The following DNM1 variants were observed in gnomAD, a reference collection of about 807,000 sequenced individuals.
The protein encoded by DNM1 is dynamin-1.
DNM1 carries 29 observed loss-of-function variants against 104.6 expected under a neutral mutation model. The observed-to-expected ratio is 0.28, with a 90% CI of 0.21 to 0.38. DNM1 has a LOEUF of 0.38. Ranked by LOEUF, DNM1 falls within the 10% of genes least tolerant of loss-of-function variation. The pLI is 1.00. For synonymous variants in DNM1, 445 were observed against 475.8 expected, an observed-to-expected ratio of 0.94 and a Z score of 0.84; for missense variants, 640 against 1,189.4, an observed-to-expected ratio of 0.54 and a Z score of 6.79.
At position 128,222,936 on chromosome 9, in the gene DNM1, A is replaced by C. The variant is rs577034235; in HGVS notation, c.1196+76A>C. 8.3e-5 allele frequency: 116 copies of C among 1,394,988 alleles called. 1 individual carries two copies. The highest frequency in any genetic ancestry group is 1.6e-5 in the Non-Finnish European group (16 of 986,518). 86.4% of individuals were successfully genotyped at this position (1,394,988 alleles called of 1,614,324 possible). On this transcript the variant is annotated intron_variant, in intron 9 of 21. Coordinates refer to ENST00000372923, the MANE Select transcript of DNM1 (RefSeq NM_004408.4). The surrounding 1 kb of genome is among the most constrained non-coding windows in gnomAD (Gnocchi z 7.8). ...GGGACAGAGGCACAGGGAGTGATGA[A>C]GTGGGCCTCCCTCAGGAAGGACTGA...
Position 128,245,701 on chromosome 9 carries a change from C to T in DNM1, c.1672-693C>T, listed in dbSNP as rs886436184. ...GCATGGCTCTGCAAACATGTAGGCT[C>T]GCACAATTGCCACACACATCCACAA... is the stretch of plus-strand genomic sequence containing the variant. On this transcript the variant is annotated intron_variant, in intron 15 of 21. Transcript: ENST00000372923. This position sits in a 1 kb window ranked among gnomAD's most constrained non-coding sequence, Gnocchi z 5.2. 2.0e-5 allele frequency among the ~76,000 whole-genome samples: 3 copies of T among 152,216 alleles called. No homozygotes were observed. Among genetic ancestry groups the T allele is most frequent in the African/African-American group, 7.2e-5 (3 of 41,444 alleles).
chr9:128,238,986 C>T (rs748561028), intron 11 of DNM1, among the ~76,000 whole-genome samples: 7 of 149,974 alleles, frequency 4.7e-5, no homozygotes, highest in Middle Eastern at 3.3e-3. Flanking sequence ...CTTTCATCCT[C>T]TCCTCTCCTC....
At chr9:128,231,883 C>T in intron 10 of DNM1, 1 of 382,916 alleles carries the variant, frequency 2.6e-6, no homozygotes. Flanking sequence ...GAACCCAGGG[C>T]TGAATGGCTC....
At chr9:128,242,102 C>T (rs1322584097) in intron 14 of DNM1, 130 bp from the exon 15 acceptor site, 1 of 678,576 alleles carries the variant, frequency 1.5e-6, no homozygotes, top group South Asian at 1.5e-5. Context: ...CTGGCCCCCA[C>T]CCTCCCTGAC....
chr9:128,251,062 T>A (rs917186428), intron 21 of DNM1, 122 bp downstream of exon 21: 41 of 728,436 alleles, frequency 5.6e-5, no homozygotes, highest in Non-Finnish European at 9.1e-5. Context: ...TCCCAGGCAA[T>A]CGGACTCTGG....
intron 1 of DNM1, among the ~76,000 whole-genome samples, chr9:128,210,348 C>CTTTATTATTATTATT (rs142834021): frequency 7.1e-6 from 1 of 141,610 alleles, no homozygotes; most frequent in Non-Finnish European, 1.5e-5. Flanking sequence ...ATTTATTTGG[C>CTTTATTATTATTATT]ATTATTATTA....
rs763636625 is a variant in DNM1, at chr9:128,218,240, G to A, written c.171G>A (p.Leu57=). The A allele has an allele frequency of 6.2e-7, 1 of 1,614,008 alleles. No individual in the cohort carries two copies. The highest frequency in any genetic ancestry group is 1.1e-5 in the South Asian group (1 of 91,074). ...VLENFVGRDF[L]PRGSGIVTRR... The stretch of plus-strand genomic sequence containing the variant: ...CTCCAACTCATTGCAGGGACTTCTT[G>A]CCTCGAGGATCTGGCATTGTCACCC... The change falls in exon 2 of 22, where the codon TTG becomes TTA. Residue 57 remains leucine (L), a synonymous_variant. Transcript: ENST00000372923. The surrounding 1 kb of genome is among the most constrained non-coding windows in gnomAD (Gnocchi z 4.8).
In DNM1 at chr9:128,224,148, C is replaced by T; in HGVS notation, c.1197-103C>T. On this transcript the variant is annotated intron_variant, in intron 9 of 21. Coordinates refer to ENST00000372923, the MANE Select transcript of DNM1 (RefSeq NM_004408.4). The surrounding 1 kb of genome is among the most constrained non-coding windows in gnomAD (Gnocchi z 4.3). ...GGCCCAGAGAGGGGTAGTGGAAGGG[C>T]CCCTCAGGCAGAGTTCGTGGGCTTG... 6.9e-7 allele frequency: 1 copy of T among 1,444,430 alleles called. No homozygotes were observed. 89.5% of individuals were successfully genotyped at this position (1,444,430 alleles called of 1,614,324 possible).
At chr9:128,244,514 C>T (rs1473671962) in intron 15 of DNM1, among the ~76,000 whole-genome samples, 1 of 151,870 alleles carries the variant, frequency 6.6e-6, no homozygotes, top group African/African-American at 2.4e-5. Context: ...TGCCCACATC[C>T]CCAGTCCCCA....
At position 128,220,227 on chromosome 9, in the gene DNM1, G is replaced by A; in HGVS notation, c.735G>A (p.Lys245=). The A allele has an allele frequency of 6.2e-7, 1 of 1,614,204 alleles. No homozygotes were observed. The highest frequency in any genetic ancestry group is 8.5e-7 in the Non-Finnish European group (1 of 1,180,042). ...VNRSQKDIDG[K]KDITAALAAE... ...GGAGCCAGAAGGACATTGATGGCAA[G>A]AAGGACATTACCGCCGCCTTGGCTG... Residue 245 remains lysine (K), a synonymous_variant, in exon 6 of 22, where the codon AAG becomes AAA. Transcript: ENST00000372923. The surrounding 1 kb of genome is among the most constrained non-coding windows in gnomAD (Gnocchi z 5.2).
At chr9:128,250,525 G>A (rs1019795542) in intron 20 of DNM1, among the ~76,000 whole-genome samples, 169 bp downstream of exon 20, 3 of 152,294 alleles carry the variant, frequency 2.0e-5, no homozygotes, top group African/African-American at 4.8e-5. Flanking sequence ...TTGCCGTGGA[G>A]AGCTGGCTGC....
At position 128,220,111 on chromosome 9, in the gene DNM1, A is replaced by G; in HGVS notation, c.688+25A>G. The G allele has an allele frequency of 6.2e-7, 1 of 1,611,662 alleles. No individual in the cohort carries two copies. The highest frequency in any genetic ancestry group is 8.5e-7 in the Non-Finnish European group (1 of 1,178,494). ...GGTAAGCAGGCCATGCCCCTCAACC[A>G]CTCCCCAGCCCTTCCCCACCCTTCC... On this transcript the variant is annotated intron_variant, in intron 5 of 21. Coordinates refer to ENST00000372923, the MANE Select transcript of DNM1 (RefSeq NM_004408.4). This position sits in a 1 kb window ranked among gnomAD's most constrained non-coding sequence, Gnocchi z 5.2.
rs1490431432 is a variant in DNM1, at chr9:128,253,809, C to T, written c.2535-845C>T. Reference sequence around the variant, plus strand: ...GGTACCGTCATAGCTGCTAGTGTGACTGAAGGCAGTGTCCCTGGCCCCAGC... The same window carrying T: ...GGTACCGTCATAGCTGCTAGTGTGATTGAAGGCAGTGTCCCTGGCCCCAGC... On this transcript the variant is annotated intron_variant, in intron 21 of 21. Transcript: ENST00000372923. The surrounding 1 kb of genome is among the most constrained non-coding windows in gnomAD (Gnocchi z 5.9). The T allele has an allele frequency of 1.5e-6, 1 of 664,926 alleles. No homozygotes were observed. Among genetic ancestry groups the T allele is most frequent in the East Asian group, 3.5e-5 (1 of 28,428 alleles). The allele number at this position is 664,926 out of a possible 1,614,324, so 41.2% of individuals were successfully genotyped here. A position where few individuals can be genotyped will look rare whatever the true frequency, so the allele number is the denominator to read the frequency against.
rs757058430 is a variant in DNM1 at position 128,250,193 on chromosome 9, G to T, written c.2155G>T (p.Ala719Ser). ...CCAGAACACGCTGATGGAGGAGTCGGCGGAGCAGGCACAGCGGCGCGACGA... is the reference window on the plus strand; with the variant it reads ...CCAGAACACGCTGATGGAGGAGTCGTCGGAGCAGGCACAGCGGCGCGACGA... ...GDQNTLMEES[A>S]EQAQRRDEML... The change falls in exon 20 of 22, where the codon GCG (alanine) becomes TCG (serine). Residue 719 changes from alanine (A) to serine (S), a missense_variant. Around this residue, in one of 7 missense-constraint regions of DNM1, gnomAD observed 129 missense variants for 224.6 expected, o/e 0.57. Coordinates refer to ENST00000372923, the MANE Select transcript of DNM1 (RefSeq NM_004408.4). The T allele has an allele frequency of 2.5e-6, 4 of 1,614,172 alleles. No individual in the cohort carries two copies. Among genetic ancestry groups the T allele is most frequent in the Non-Finnish European group, 2.5e-6 (3 of 1,180,030 alleles).
Position 128,203,750 on chromosome 9 carries a change from C to T in DNM1, c.161+119C>T, listed in dbSNP as rs1313897093. ...CCCGACGCTGCACCCGCGGCCGGCG[C>T]GCCCCCCACCCCCAGCCGGAGCGAG... On this transcript the variant is annotated intron_variant, in intron 1 of 21. Coordinates refer to ENST00000372923, the MANE Select transcript of DNM1 (RefSeq NM_004408.4). The surrounding 1 kb of genome is among the most constrained non-coding windows in gnomAD (Gnocchi z 5.3). 2.1e-6 allele frequency: 2 copies of T among 949,702 alleles called. No homozygotes were observed. The highest frequency in any genetic ancestry group is 2.7e-6 in the Non-Finnish European group (2 of 733,464). 58.8% of individuals were successfully genotyped at this position (949,702 alleles called of 1,614,324 possible). A position where few individuals can be genotyped will look rare whatever the true frequency, so the allele number is the denominator to read the frequency against.
chr9:128,224,124 G>A lies in DNM1; in HGVS notation c.1197-127G>A. ...CCATTTTACAACTGGGGACACTGAG[G>A]CCCAGAGAGGGGTAGTGGAAGGGCC... On this transcript the variant is annotated intron_variant, in intron 9 of 21. Transcript: ENST00000372923. This position sits in a 1 kb window ranked among gnomAD's most constrained non-coding sequence, Gnocchi z 4.3. The A allele has an allele frequency of 3.3e-6, 4 of 1,223,160 alleles. No homozygotes were observed. The highest frequency in any genetic ancestry group is 2.8e-4 in the Middle Eastern group (1 of 3,528). The allele number at this position is 1,223,160 out of a possible 1,614,324, so 75.8% of individuals were successfully genotyped here. A position where few individuals can be genotyped will look rare whatever the true frequency, so the allele number is the denominator to read the frequency against.
At position 128,253,219 on chromosome 9, in the gene DNM1, AC is replaced by A. The variant is rs1829641075; in HGVS notation, c.2535-1433del. On this transcript the variant is annotated intron_variant, in intron 21 of 21. Coordinates refer to ENST00000372923, the MANE Select transcript of DNM1 (RefSeq NM_004408.4). The surrounding 1 kb of genome is among the most constrained non-coding windows in gnomAD (Gnocchi z 5.9). ...GCTCCACACGGGGCGCGCACCTGGG[AC>A]CTCAGAGCCAGGCTCCCCGCCCCTC... is the stretch of plus-strand genomic sequence containing the variant. 1 of 1,366,970 alleles carries A rather than the reference AC, an allele frequency of 7.3e-7. No homozygotes were observed. Among genetic ancestry groups the A allele is most frequent in the Non-Finnish European group, 1.0e-6 (1 of 977,806 alleles). 84.7% of individuals were successfully genotyped at this position (1,366,970 alleles called of 1,614,324 possible).
intron 19 of DNM1, among the ~76,000 whole-genome samples, chr9:128,249,093 T>C (rs1035372396): frequency 6.6e-6 from 1 of 150,894 alleles, no homozygotes; most frequent in African/African-American, 2.4e-5. Flanking sequence ...CTCGGGAGGC[T>C]GAGGCAGGAG....
At chr9:128,219,320 G>A in intron 4 of DNM1, 68 bp downstream of exon 4, 1 of 1,393,502 alleles carries the variant, frequency 7.2e-7, no homozygotes, top group South Asian at 1.2e-5. Flanking sequence ...TTAGTGTAAA[G>A]GGGAGCCTCT....
Sources: gnomAD v4.1 joint callset for allele counts (sites outside exome capture counted in the v4.1 genomes callset) on GRCh38, gnomAD v4.1.1 for gene constraint, gnomAD v4.1.1 regional missense constraint, Gnocchi (gnomAD v3.1) non-coding constraint, MANE v1.5 for transcripts, NCBI Gene and HGNC (gene_info 2026-07-23, HGNC 2026-07-21) for gene names.